The following PGBD1 variants were observed in gnomAD, a reference collection of about 807,000 sequenced individuals.
PGBD1 encodes the protein piggyBac transposable element derived 1.
PGBD1 carries 25 observed loss-of-function variants against 34.7 expected under a neutral mutation model. The observed-to-expected ratio is 0.72, with a 90% CI of 0.52 to 1.00. PGBD1 has a LOEUF of 1.00. PGBD1 is among the 50% of genes least tolerant of loss of function. The probability of loss-of-function intolerance (pLI) is 0.00; values close to 1 mark genes in which losing one functional copy is unlikely to be tolerated. For missense variants in PGBD1, 830 were observed against 959.4 expected, an observed-to-expected ratio of 0.87 and a Z score of 1.78; for synonymous variants, 292 against 335.7, an observed-to-expected ratio of 0.87 and a Z score of 1.42.
chr6:28,296,366 GAACAATCC>G (rs1212144263), intron 4 of PGBD1, among the ~76,000 whole-genome samples: 1 of 152,206 alleles, frequency 6.6e-6, no homozygotes, highest in East Asian at 1.9e-4. Context: ...ATAGTGTGTA[GAACAATCC>G]AAGTGAGTCA....
chr6:28,296,078 C>T (rs749491067), intron 4 of PGBD1, among the ~76,000 whole-genome samples: 2 of 152,160 alleles, frequency 1.3e-5, no homozygotes, highest in African/African-American at 2.4e-5. Flanking sequence ...CCTTTTGGGA[C>T]AGTGTCAGAG....
At chr6:28,297,825 T>TG (rs1561890942) in intron 5 of PGBD1, 70 bp from the exon 6 acceptor site, 26 of 190,008 alleles carry the variant, frequency 1.4e-4, no homozygotes, top group South Asian at 4.2e-4. Context: ...AGTTTTTTTT[T>TG]TTTTTTTTTT....
Position 28,281,885 on chromosome 6 carries a change from G to C in PGBD1, c.-72G>C, listed in dbSNP as rs1426049888. The C allele has an allele frequency of 6.5e-6, 1 of 153,330 alleles. No homozygotes were observed. The highest frequency in any genetic ancestry group is 2.4e-5 in the African/African-American group (1 of 41,486). 9.5% of individuals were successfully genotyped at this position (153,330 alleles called of 1,614,324 possible). A position where few individuals can be genotyped will look rare whatever the true frequency, so the allele number is the denominator to read the frequency against. On this transcript the variant is annotated 5_prime_UTR_variant, in exon 1 of 7. Coordinates refer to ENST00000682144, the MANE Select transcript of PGBD1 (RefSeq NM_032507.4). ...CATCTCAGGTGCTTTACGTGCATTC[G>C]TGAAGAAGCCCATCAGTATTTCTTG...
rs144554187 is a variant in PGBD1 at position 28,285,788 on chromosome 6, A to G, written c.553+81A>G. The G allele has an allele frequency of 9.9e-6, 14 of 1,410,268 alleles. No individual in the cohort carries two copies. The Middle Eastern group carries it at 7.8e-4, about 79-fold the overall frequency. The allele number at this position is 1,410,268 out of a possible 1,614,324, so 87.4% of individuals were successfully genotyped here. ...ACAGCCTTCTTGACCTCAAGTTTGT[A>G]TACATTGTGAAATGATTACCACAAG... is the stretch of plus-strand genomic sequence containing the variant. On this transcript the variant is annotated intron_variant, in intron 3 of 6. Coordinates refer to ENST00000682144, the MANE Select transcript of PGBD1 (RefSeq NM_032507.4).
At chr6:28,295,402 G>A (rs1762596508) in intron 4 of PGBD1, among the ~76,000 whole-genome samples, 1 of 152,110 alleles carries the variant, frequency 6.6e-6, no homozygotes, top group Admixed American at 6.5e-5. Context: ...TTCTACTCTG[G>A]GTAAAATGCT....
At chr6:28,286,059 CTG>C (rs1219110156) in intron 3 of PGBD1, among the ~76,000 whole-genome samples, 2 of 152,290 alleles carry the variant, frequency 1.3e-5, no homozygotes, top group South Asian at 2.1e-4. Context: ...TTATTTTACA[CTG>C]TGCATTTTAA....
At chr6:28,291,165 A>C (rs1762439426) in intron 4 of PGBD1, among the ~76,000 whole-genome samples, 1 of 151,280 alleles carries the variant, frequency 6.6e-6, no homozygotes, top group Non-Finnish European at 1.5e-5. Flanking sequence ...ATGAAACAAG[A>C]AGTTGGATTT....
Position 28,296,880 on chromosome 6 carries a change from G to A in PGBD1, c.707G>A (p.Ser236Asn), listed in dbSNP as rs150118191. The change falls in exon 5 of 7, where the codon AGT becomes AAT. Residue 236 changes from serine (S) to asparagine (N), a missense_variant. Coordinates refer to ENST00000682144, the MANE Select transcript of PGBD1 (RefSeq NM_032507.4). ...AVAAEKWSHL[S>N]LTRRNLCGNS... is the part of the protein sequence containing the mutation. ...GCTGCAGAGAAGTGGTCACATCTGA[G>A]TCTGACTCGGAGGAACCTCTGTGGG... 81 of 1,614,068 alleles carry A rather than the reference G, an allele frequency of 5.0e-5. No individual in the cohort carries two copies. The highest frequency in any genetic ancestry group is 6.4e-5 in the Non-Finnish European group (75 of 1,180,030).
Position 28,302,125 on chromosome 6 carries a change from A to C in PGBD1, c.2271A>C (p.Lys757Asn). 1.2e-6 allele frequency: 2 copies of C among 1,614,174 alleles called. No individual in the cohort carries two copies. Among genetic ancestry groups the C allele is most frequent in the Non-Finnish European group, 1.7e-6 (2 of 1,180,022 alleles). The change falls in exon 7 of 7, where the codon AAA becomes AAC. Residue 757 changes from lysine to asparagine, a missense_variant. Physicochemically the swap from Lys to Asn is moderately conservative, Grantham distance 94. Transcript: ENST00000682144. ...ACAGGGTGAGGATAAGAAGCAAGAA[A>C]TGGTACTCAATTTTGGTGAGCTACA... The part of the protein sequence containing the change: ...SKYRVRIRSK[K>N]WYSILVSYMI...
In PGBD1 at chr6:28,296,951, G is replaced by A; in HGVS notation, c.772+6G>A. ...TATGAGCCTCAGTCCGATGAGTAAG[G>A]CCAGGCCTCTGGCTGGACCCCTGTC... On this transcript the variant is annotated splice_donor_region_variant and intron_variant, in intron 5 of 6. Transcript: ENST00000682144. The A allele has an allele frequency of 6.2e-7, 1 of 1,613,852 alleles. No homozygotes were observed. The highest frequency in any genetic ancestry group is 8.5e-7 in the Non-Finnish European group (1 of 1,179,900).
chr6:28,284,473 T>C (rs1446195478), intron 2 of PGBD1, among the ~76,000 whole-genome samples: 1 of 151,688 alleles, frequency 6.6e-6, no homozygotes, highest in African/African-American at 2.4e-5. Context: ...TACATACACA[T>C]ATGCAGTATT....
intron 4 of PGBD1, among the ~76,000 whole-genome samples, chr6:28,294,372 C>A (rs1171076047): frequency 2.6e-5 from 4 of 152,196 alleles, no homozygotes; most frequent in Non-Finnish European, 4.4e-5. Flanking sequence ...TTATCCAGAT[C>A]TAGCTAAAAT....
intron 5 of PGBD1, 50 bp from the exon 6 acceptor site, chr6:28,297,845 T>TTTTAAAAAAAAAA: frequency 1.1e-5 from 3 of 283,632 alleles, no homozygotes; most frequent in Non-Finnish European, 6.6e-6. Context: ...TTTTTTTTTT[T>TTTTAAAAAAAAAA]CAAAATTCAC....
intron 5 of PGBD1, 51 bp from the exon 6 acceptor site, chr6:28,297,844 T>TAAAAATAAAAAAAAAAAA: frequency 3.1e-6 from 1 of 324,848 alleles, no homozygotes. Context: ...TTTTTTTTTT[T>TAAAAATAAAAAAAAAAAA]TCAAAATTCA....
At position 28,301,899 on chromosome 6, in the gene PGBD1, A is replaced by G. The variant is rs746035305; in HGVS notation, c.2045A>G (p.Asn682Ser). Residue 682 changes from asparagine to serine, a missense_variant, in exon 7 of 7, where the codon AAT (asparagine) becomes AGT (serine). Asn to Ser is a conservative substitution (Grantham distance 46). This residue lies in a region of PGBD1 where 372 missense variants were observed against 427.9 expected (regional missense o/e 0.87). Coordinates refer to ENST00000682144, the MANE Select transcript of PGBD1 (RefSeq NM_032507.4). ...GYFDFRIEEN[N>S]EIILCRWYGD... ...TTTGATTTCCGAATAGAAGAAAACAATGAGATAATTTTGTGTCGTTGGTAT... is the reference window on the plus strand; with the variant it reads ...TTTGATTTCCGAATAGAAGAAAACAGTGAGATAATTTTGTGTCGTTGGTAT... The G allele has an allele frequency of 2.0e-5, 33 of 1,614,048 alleles. No individual in the cohort carries two copies. Among genetic ancestry groups the G allele is most frequent in the African/African-American group, 5.3e-5 (4 of 74,924 alleles).
chr6:28,285,695 C>T lies in PGBD1; in HGVS notation c.541C>T (p.Gln181Ter). Residue 181 changes from glutamine to a stop codon, truncating the protein, a stop_gained, in exon 3 of 7, where the codon CAA becomes TAA. Coordinates refer to ENST00000682144, the MANE Select transcript of PGBD1 (RefSeq NM_032507.4). LOFTEE classifies it high-confidence loss of function. ...EPPQRPQGNPQEVSGPVPHGS... is the reference protein window; with the variant it reads ...EPPQRPQGNP ...TCCACAGCGTCCTCAAGGGAACCCC[C>T]AAGAAGTGAGTGGTGAGTGCTCGAG... 1.2e-6 allele frequency: 2 copies of T among 1,613,446 alleles called. No homozygotes were observed. The highest frequency in any genetic ancestry group is 1.7e-4 in the Middle Eastern group (1 of 5,760).
At chr6:28,297,825 T>TTG in intron 5 of PGBD1, 70 bp from the exon 6 acceptor site, 1 of 190,106 alleles carries the variant, frequency 5.3e-6, no homozygotes, top group Non-Finnish European at 9.7e-6. Context: ...AGTTTTTTTT[T>TTG]TTTTTTTTTT....
chr6:28,283,004 G>A (rs1762173693), intron 1 of PGBD1, among the ~76,000 whole-genome samples: 1 of 152,242 alleles, frequency 6.6e-6, no homozygotes, highest in African/African-American at 2.4e-5. Context: ...TTGTTCCTCA[G>A]GATTATGCGG....
At chr6:28,297,832 T>A in intron 5 of PGBD1, 63 bp from the exon 6 acceptor site, 1 of 309,750 alleles carries the variant, frequency 3.2e-6, no homozygotes, top group Non-Finnish European at 5.9e-6. Flanking sequence ...TTTTTTTTTT[T>A]TTTTTTTTTT....
Sources: allele counts gnomAD v4.1 joint callset (sites outside exome capture counted in the v4.1 genomes callset), GRCh38; gene constraint gnomAD v4.1.1; regional missense constraint gnomAD v4.1.1; transcripts MANE v1.5; gene names NCBI Gene and HGNC (gene_info 2026-07-23, HGNC 2026-07-21).